Variants in RAPGEF2 observed in about 807,000 individuals in gnomAD.
The protein encoded by RAPGEF2 is PDZ domain containing guanine nucleotide exchange factor (GEF) 1.
In RAPGEF2, 54 loss-of-function variants were observed where a neutral mutation model predicts 186.7. That is an observed-to-expected ratio of 0.29 (90% CI 0.23 to 0.36). RAPGEF2 has a LOEUF of 0.36. RAPGEF2 is among the 10% of genes least tolerant of loss of function. RAPGEF2 has a pLI of 1.00. For synonymous variants in RAPGEF2, 712 were observed against 705.9 expected (o/e 1.01, Z -0.14); for missense variants, 1,532 against 2,045.0 (o/e 0.75, Z 4.84).
chr4:159,247,233 C>T (rs1196626349), intron 7 of RAPGEF2, among the ~76,000 whole-genome samples: 1 of 151,994 alleles, frequency 6.6e-6, no homozygotes, highest in African/African-American at 2.4e-5. Flanking sequence ...TCATTGAGTG[C>T]CCACCATGTT....
At chr4:159,134,853 G>T (rs1429100488) in intron 1 of RAPGEF2, among the ~76,000 whole-genome samples, 2 of 152,138 alleles carry the variant, frequency 1.3e-5, no homozygotes, top group African/African-American at 4.8e-5. Flanking sequence ...GAAAATTCCT[G>T]TACCCTCATC....
Position 159,341,896 on chromosome 4 carries a change from C to G in RAPGEF2, c.2867C>G (p.Ala956Gly). The change falls in exon 20 of 30, where the codon GCA (alanine) becomes GGA (glycine). Residue 956 changes from alanine (A) to glycine (G), a missense_variant. Ala to Gly is a moderately conservative substitution (Grantham distance 60). Coordinates refer to ENST00000691494, the MANE Select transcript of RAPGEF2 (RefSeq NM_001394067.2). ...MKIIKHFIKI[A>G]LHCRECKNFN... ...ATCATTAAGCATTTCATCAAGATAG[C>G]ACTGCACTGTAGGGAATGCAAGAAT... 1 of 1,612,368 alleles carries G rather than the reference C, an allele frequency of 6.2e-7. No individual in the cohort carries two copies. Among genetic ancestry groups the G allele is most frequent in the Non-Finnish European group, 8.5e-7 (1 of 1,179,378 alleles).
intron 7 of RAPGEF2, among the ~76,000 whole-genome samples, chr4:159,244,523 A>C (rs1754384124): frequency 1.3e-5 from 2 of 152,072 alleles, no homozygotes; most frequent in South Asian, 4.1e-4. Flanking sequence ...GAGTTCTTTG[A>C]AGATCTAGAT....
At chr4:159,154,166 A>G (rs1005745531) in intron 1 of RAPGEF2, among the ~76,000 whole-genome samples, 1 of 152,208 alleles carries the variant, frequency 6.6e-6, no homozygotes, top group Admixed American at 6.5e-5. Flanking sequence ...ATGTAATTTT[A>G]AGTAAATGAT....
At chr4:159,313,096 C>T (rs1005009779) in intron 8 of RAPGEF2, among the ~76,000 whole-genome samples, 4 of 151,856 alleles carry the variant, frequency 2.6e-5, no homozygotes, top group African/African-American at 7.3e-5. Flanking sequence ...TGCAGTGAGC[C>T]GAGATCGTGC....
At chr4:159,197,000 C>A (rs1355570428) in intron 3 of RAPGEF2, among the ~76,000 whole-genome samples, 6 of 152,112 alleles carry the variant, frequency 3.9e-5, no homozygotes, top group Admixed American at 3.9e-4. Flanking sequence ...AATGGAAAAG[C>A]CTATCAGGTA....
At chr4:159,151,291 C>T (rs562161553) in intron 1 of RAPGEF2, among the ~76,000 whole-genome samples, 1 of 152,260 alleles carries the variant, frequency 6.6e-6, no homozygotes, top group African/African-American at 2.4e-5. Flanking sequence ...CAATGATAAA[C>T]GCTTATCTCA....
intron 1 of RAPGEF2, among the ~76,000 whole-genome samples, chr4:159,160,870 G>T (rs1744638821): frequency 6.6e-6 from 1 of 152,028 alleles, no homozygotes; most frequent in African/African-American, 2.4e-5. Flanking sequence ...CCACATCAGG[G>T]TTTAAAAGGT....
chr4:159,235,690 C>T (rs1161258384), intron 4 of RAPGEF2, among the ~76,000 whole-genome samples: 1 of 152,134 alleles, frequency 6.6e-6, no homozygotes, highest in African/African-American at 2.4e-5. Context: ...TCCTTATTTT[C>T]CAGAGCTGAA....
intron 2 of RAPGEF2, among the ~76,000 whole-genome samples, chr4:159,192,280 A>G (rs1748204550): frequency 6.6e-6 from 1 of 152,168 alleles, no homozygotes; most frequent in South Asian, 2.1e-4. Context: ...CCTCTAAAGT[A>G]CGGTGGTGGG....
intron 11 of RAPGEF2, among the ~76,000 whole-genome samples, 162 bp downstream of exon 11, chr4:159,323,779 C>T (rs1262409206): frequency 6.7e-6 from 1 of 149,840 alleles, no homozygotes; most frequent in Non-Finnish European, 1.5e-5. Flanking sequence ...AGTGCAGCGG[C>T]ACAAGCTCGG....
At chr4:159,159,084 A>C (rs1744426945) in intron 1 of RAPGEF2, among the ~76,000 whole-genome samples, 1 of 152,262 alleles carries the variant, frequency 6.6e-6, no homozygotes, top group Non-Finnish European at 1.5e-5. Context: ...ATCTTACAGC[A>C]ATAAGTAGCA....
chr4:159,119,348 T>A (rs1739410816), intron 1 of RAPGEF2, among the ~76,000 whole-genome samples: 2 of 152,170 alleles, frequency 1.3e-5, no homozygotes, highest in African/African-American at 4.8e-5. Flanking sequence ...TGTCTTTTTA[T>A]TTTGAAGGAA....
At chr4:159,199,593 C>T (rs868728899) in intron 3 of RAPGEF2, among the ~76,000 whole-genome samples, 3 of 152,004 alleles carry the variant, frequency 2.0e-5, no homozygotes, top group South Asian at 2.1e-4. Flanking sequence ...TTGGATTCTT[C>T]GTATCAATTT....
In RAPGEF2 at chr4:159,113,932, G is replaced by T. The variant is rs185583616; in HGVS notation, c.69+9701G>T. Among the ~76,000 whole-genome samples, 28 of 151,744 alleles carry T rather than the reference G, an allele frequency of 1.8e-4. No individual in the cohort carries two copies. The East Asian group carries it at 4.3e-3, about 23-fold the overall frequency. Reference sequence around the variant, plus strand: ...TAATAGCTAATAAATAAATGGATGAGAAGAGATAAAATAGTAACGTTTATT... The same window carrying T: ...TAATAGCTAATAAATAAATGGATGATAAGAGATAAAATAGTAACGTTTATT... On this transcript the variant is annotated intron_variant, in intron 1 of 29. Coordinates refer to ENST00000691494, the MANE Select transcript of RAPGEF2 (RefSeq NM_001394067.2).
chr4:159,312,801 T>G (rs1579891593), intron 8 of RAPGEF2, among the ~76,000 whole-genome samples: 2 of 152,342 alleles, frequency 1.3e-5, no homozygotes, highest in East Asian at 3.8e-4. Context: ...GGATTAAATC[T>G]TATGTTCTGT....
chr4:159,151,821 A>G (rs546564248), intron 1 of RAPGEF2, among the ~76,000 whole-genome samples: 1 of 152,258 alleles, frequency 6.6e-6, no homozygotes, highest in South Asian at 2.1e-4. Context: ...AAAGCTTTGC[A>G]TCTTAGGAAT....
intron 26 of RAPGEF2, chr4:159,351,039 T>A (rs894460687): frequency 6.6e-7 from 1 of 1,525,774 alleles, no homozygotes; most frequent in Admixed American, 2.0e-5. Context: ...ATCTCAATTC[T>A]TTTCTCATCC....
At chr4:159,121,635 T>G (rs1739691349) in intron 1 of RAPGEF2, among the ~76,000 whole-genome samples, 1 of 151,922 alleles carries the variant, frequency 6.6e-6, no homozygotes, top group South Asian at 2.1e-4. Context: ...TCCCAAAGTG[T>G]TGGGATTATA....
Sources: gnomAD v4.1 joint callset for allele counts (sites outside exome capture counted in the v4.1 genomes callset) on GRCh38, gnomAD v4.1.1 for gene constraint, MANE v1.5 for transcripts, NCBI Gene and HGNC (gene_info 2026-07-23, HGNC 2026-07-21) for gene names.